The following AKAP13 variants were observed in gnomAD, a reference collection of about 807,000 sequenced individuals.
The protein encoded by AKAP13 is A-kinase anchor protein 13.
Under a neutral mutation model 264.5 loss-of-function variants are expected in AKAP13, and 80 were observed. The ratio of observed to expected loss-of-function variants is 0.30; its 90% CI spans 0.25 to 0.36. AKAP13 has a LOEUF of 0.36. Among genes scored for constraint, AKAP13 ranks in the 10% least tolerant of loss-of-function variants. The probability of loss-of-function intolerance (pLI) is 1.00; values close to 1 mark genes in which losing one functional copy is unlikely to be tolerated. For missense variants in AKAP13, 3,712 were observed against 3,435.2 expected, an observed-to-expected ratio of 1.08 and a Z score of -2.01; for synonymous variants, 1,380 against 1,250.2, an observed-to-expected ratio of 1.10 and a Z score of -2.19.
Position 85,655,295 on chromosome 15 carries a change from A to G in AKAP13, c.4375-122A>G, listed in dbSNP as rs958671019. On this transcript the variant is annotated intron_variant, in intron 10 of 36. Coordinates refer to ENST00000394518, the MANE Select transcript of AKAP13 (RefSeq NM_007200.5). The stretch of plus-strand genomic sequence containing the variant: ...ATCCTATTAAAAAAACAAGTCTCTG[A>G]GGCCAATTATGATCTTACCTGCCTG... The G allele has an allele frequency of 6.4e-6, 8 of 1,257,954 alleles. No homozygotes were observed. The African/African-American group carries it at 1.1e-4, about 17-fold the overall frequency. The allele number at this position is 1,257,954 out of a possible 1,614,324, so 77.9% of individuals were successfully genotyped here.
At chr15:85,391,034 A>G (rs899117093) in intron 1 of AKAP13, among the ~76,000 whole-genome samples, 3 of 152,084 alleles carry the variant, frequency 2.0e-5, no homozygotes, top group Admixed American at 6.5e-5. Flanking sequence ...GGAGAGTGGG[A>G]GGTTTTAGTG....
At chr15:85,496,707 A>G (rs2075881881) in intron 2 of AKAP13, among the ~76,000 whole-genome samples, 2 of 152,350 alleles carry the variant, frequency 1.3e-5, no homozygotes, top group South Asian at 4.1e-4. Flanking sequence ...TTGCTTATAC[A>G]AAGAGCCTTA....
chr15:85,538,066 C>G (rs923084062), intron 4 of AKAP13, among the ~76,000 whole-genome samples: 5 of 152,022 alleles, frequency 3.3e-5, no homozygotes, highest in Admixed American at 1.3e-4. Context: ...TCTGAGTTTT[C>G]CAAGTCTCAC....
chr15:85,740,906 A>G, intron 34 of AKAP13, 140 bp from the exon 35 acceptor site: 1 of 1,384,462 alleles, frequency 7.2e-7, no homozygotes, highest in Non-Finnish European at 9.6e-7. Context: ...GAGCATTTTT[A>G]TGAGACGGGC....
At chr15:85,385,182 T>C (rs955734413) in intron 1 of AKAP13, among the ~76,000 whole-genome samples, 4 of 152,218 alleles carry the variant, frequency 2.6e-5, no homozygotes, top group Non-Finnish European at 4.4e-5. Flanking sequence ...TGACCCTTTT[T>C]CTACATAACC....
intron 1 of AKAP13, among the ~76,000 whole-genome samples, chr15:85,443,555 G>T (rs143382549): frequency 6.6e-6 from 1 of 152,104 alleles, no homozygotes; most frequent in South Asian, 2.1e-4. Context: ...AATTTCTGGC[G>T]ATATGGGCAC....
chr15:85,541,945 C>G (rs2077592113), intron 4 of AKAP13, among the ~76,000 whole-genome samples: 1 of 152,176 alleles, frequency 6.6e-6, no homozygotes, highest in Non-Finnish European at 1.5e-5. Context: ...GGGATTTCTA[C>G]TGAAATGCTG....
At chr15:85,685,095 A>G in intron 16 of AKAP13, 2 of 475,448 alleles carry the variant, frequency 4.2e-6, no homozygotes, top group South Asian at 3.5e-5. Flanking sequence ...TGCTTTCCAT[A>G]TATTATTTAA....
intron 33 of AKAP13, among the ~76,000 whole-genome samples, chr15:85,737,497 T>G (rs2088629904): frequency 1.3e-5 from 2 of 152,212 alleles, no homozygotes; most frequent in Admixed American, 1.3e-4. Context: ...TAACGTTAAG[T>G]TAAAAGTCTC....
At chr15:85,693,038 TA>T in intron 16 of AKAP13, 1 of 517,334 alleles carries the variant, frequency 1.9e-6, no homozygotes, top group Non-Finnish European at 3.1e-6. Flanking sequence ...AACCAATGAA[TA>T]AGCCACTGCC....
intron 10 of AKAP13, among the ~76,000 whole-genome samples, chr15:85,655,103 A>G (rs1006654526): frequency 6.6e-5 from 10 of 152,054 alleles, no homozygotes; most frequent in African/African-American, 2.4e-4. Flanking sequence ...GAGGCAGGAT[A>G]ATCTCTTGAA....
chr15:85,398,665 C>T (rs557961451), intron 1 of AKAP13, among the ~76,000 whole-genome samples: 1 of 152,282 alleles, frequency 6.6e-6, no homozygotes, highest in East Asian at 1.9e-4. Context: ...AAGCAACTCT[C>T]CTGCCTCAGC....
At chr15:85,682,669 C>A (rs2084659691) in intron 15 of AKAP13, among the ~76,000 whole-genome samples, 1 of 149,818 alleles carries the variant, frequency 6.7e-6, no homozygotes, top group South Asian at 2.1e-4. Context: ...CGAATTGATT[C>A]TTTTTTTTTT....
chr15:85,412,149 A>G (rs2072003142), intron 1 of AKAP13, among the ~76,000 whole-genome samples: 1 of 152,242 alleles, frequency 6.6e-6, no homozygotes, highest in East Asian at 1.9e-4. Context: ...TTCAAAGTGA[A>G]AGACCAGTCA....
At chr15:85,428,231 C>T (rs2072881820) in intron 1 of AKAP13, among the ~76,000 whole-genome samples, 2 of 152,180 alleles carry the variant, frequency 1.3e-5, no homozygotes. Context: ...CAGAGTTTTG[C>T]TCTTGTTGCC....
At chr15:85,458,586 G>T (rs1396220894) in intron 1 of AKAP13, among the ~76,000 whole-genome samples, 12 of 151,642 alleles carry the variant, frequency 7.9e-5, no homozygotes, top group Admixed American at 7.2e-4. Context: ...AATCCTTGTA[G>T]ACACAGTTAT....
At chr15:85,562,589 A>C (rs2078428106) in intron 5 of AKAP13, among the ~76,000 whole-genome samples, 1 of 124,284 alleles carries the variant, frequency 8.0e-6, no homozygotes, top group Non-Finnish European at 1.7e-5. Flanking sequence ...ATATATATAT[A>C]TATATATATA....
intron 1 of AKAP13, among the ~76,000 whole-genome samples, chr15:85,383,570 C>A (rs2070399521): frequency 1.3e-5 from 2 of 152,124 alleles, no homozygotes; most frequent in South Asian, 2.1e-4. Flanking sequence ...AAAGAAGGGG[C>A]CTTGAGACTT....
chr15:85,445,269 A>G (rs765457294), intron 1 of AKAP13, among the ~76,000 whole-genome samples: 1 of 152,216 alleles, frequency 6.6e-6, no homozygotes, highest in Non-Finnish European at 1.5e-5. Context: ...AATGGTCAGC[A>G]ACTTGGCACC....
Sources: gnomAD v4.1 joint callset for allele counts (sites outside exome capture counted in the v4.1 genomes callset) on GRCh38, gnomAD v4.1.1 for gene constraint, MANE v1.5 for transcripts, NCBI Gene and HGNC (gene_info 2026-07-23, HGNC 2026-07-21) for gene names.